Variants in ATP2B2 observed in about 807,000 individuals in gnomAD.
ATP2B2 encodes plasma membrane calcium-transporting ATPase 2.
In ATP2B2, 15 loss-of-function variants were observed where a neutral mutation model predicts 120.0. That is an observed-to-expected ratio of 0.12 (90% CI 0.08 to 0.19). ATP2B2 has a LOEUF of 0.19. Ranked by LOEUF, ATP2B2 falls within the 10% of genes least tolerant of loss-of-function variation. The pLI is 1.00. For missense variants in ATP2B2, 1,045 were observed against 1,719.8 expected, an observed-to-expected ratio of 0.61 and a Z score of 6.94; for synonymous variants, 694 against 700.3, an observed-to-expected ratio of 0.99 and a Z score of 0.14.
intron 1 of ATP2B2, among the ~76,000 whole-genome samples, chr3:10,679,042 G>T (rs1249658188): frequency 6.6e-6 from 1 of 152,116 alleles, no homozygotes; most frequent in Non-Finnish European, 1.5e-5. Flanking sequence ...TCTCTCTCCT[G>T]CTGGCCTTAG....
chr3:10,350,575 G>A lies in ATP2B2; in HGVS notation c.2139C>T (p.Val713=). The change falls in exon 15 of 23, where the codon GTC becomes GTT. Residue 713 remains valine, a splice_region_variant and synonymous_variant. Coordinates refer to ENST00000360273, the MANE Select transcript of ATP2B2 (RefSeq NM_001001331.4). ...VGIEDPVRPE[V]PEAIRKCQRA... Reference sequence around the variant, plus strand: ...GCTGGCACTTGCGGATGGCTTCTGGGACCTGGGCAGGAGGGCAGGGGCCAT... The same window carrying A: ...GCTGGCACTTGCGGATGGCTTCTGGAACCTGGGCAGGAGGGCAGGGGCCAT... 1 of 1,612,158 alleles carries A rather than the reference G, an allele frequency of 6.2e-7. No individual in the cohort carries two copies. Among genetic ancestry groups the A allele is most frequent in the Non-Finnish European group, 8.5e-7 (1 of 1,179,966 alleles).
chr3:10,606,984 A>AAG (rs61094841), intron 2 of ATP2B2, among the ~76,000 whole-genome samples: 3 of 142,178 alleles, frequency 2.1e-5, no homozygotes, highest in African/African-American at 8.1e-5. Flanking sequence ...GAGAGAAAGA[A>AAG]AGAGAGAGAG....
intron 2 of ATP2B2, 37 bp from the exon 3 acceptor site, chr3:10,410,852 G>A (rs1268732159): frequency 1.2e-6 from 2 of 1,603,892 alleles, no homozygotes; most frequent in Non-Finnish European, 1.7e-6. Flanking sequence ...CTGGGGGCCT[G>A]GGAGAGATGC....
At chr3:10,408,929 T>G (rs1370962697) in intron 3 of ATP2B2, among the ~76,000 whole-genome samples, 1 of 152,190 alleles carries the variant, frequency 6.6e-6, no homozygotes. Flanking sequence ...TGCTTTGGTC[T>G]GAGTCATGGT....
chr3:10,400,093 T>C (rs2062168391), intron 5 of ATP2B2, among the ~76,000 whole-genome samples: 1 of 152,198 alleles, frequency 6.6e-6, no homozygotes, highest in Non-Finnish European at 1.5e-5. Flanking sequence ...AATAAGGCCT[T>C]TTGGGCGTCC....
chr3:10,366,644 G>A (rs2061067245), intron 12 of ATP2B2, among the ~76,000 whole-genome samples: 1 of 152,322 alleles, frequency 6.6e-6, no homozygotes, highest in Non-Finnish European at 1.5e-5. Context: ...CCGCTCGGGT[G>A]GTTCCAGTAC....
intron 1 of ATP2B2, among the ~76,000 whole-genome samples, chr3:10,625,734 C>A (rs552404676): frequency 2.0e-5 from 3 of 152,178 alleles, no homozygotes; most frequent in South Asian, 2.1e-4. Context: ...TCAGCAGGGA[C>A]CCCCTCCCAT....
At chr3:10,405,518 T>C (rs939602808) in intron 3 of ATP2B2, among the ~76,000 whole-genome samples, 1 of 151,852 alleles carries the variant, frequency 6.6e-6, no homozygotes, top group Non-Finnish European at 1.5e-5. Context: ...CTGGAGCAAT[T>C]AGGGAGAAGA....
rs186711440 is a variant in ATP2B2, at chr3:10,600,086, T to C, written c.-415+19831A>G. On this transcript the variant is annotated intron_variant, in intron 2 of 21. Transcript: ENST00000646379. Reference sequence around the variant, plus strand: ...ACCACCAGGTGGTAGGAGCACAGTATTGGAGAGCAGAGGGGCTGGGGCTGG... The same window carrying C: ...ACCACCAGGTGGTAGGAGCACAGTACTGGAGAGCAGAGGGGCTGGGGCTGG... Among the ~76,000 whole-genome samples the C allele has an allele frequency of 6.3e-3, 955 of 151,748 alleles. 10 individuals are homozygous for C. Among genetic ancestry groups the C allele is most frequent in the African/African-American group, 0.022 (910 of 41,326 alleles).
intron 2 of ATP2B2, among the ~76,000 whole-genome samples, chr3:10,431,969 C>A (rs1317596597): frequency 6.6e-6 from 1 of 152,172 alleles, no homozygotes; most frequent in Non-Finnish European, 1.5e-5. Context: ...AGAAGAAAAT[C>A]ATCACTCCCG....
intron 1 of ATP2B2, among the ~76,000 whole-genome samples, chr3:10,625,521 A>G (rs1193774842): frequency 6.6e-6 from 1 of 151,782 alleles, no homozygotes; most frequent in Non-Finnish European, 1.5e-5. Context: ...TGACGCAGAT[A>G]CTCCCCGGTT....
intron 5 of ATP2B2, among the ~76,000 whole-genome samples, chr3:10,392,178 G>A (rs771415022): frequency 8.5e-5 from 13 of 152,196 alleles, no homozygotes; most frequent in South Asian, 2.1e-4. Flanking sequence ...GGCCTCCCCC[G>A]CACAGCCTGG....
intron 2 of ATP2B2, 28 bp from the exon 3 acceptor site, chr3:10,410,843 T>C: frequency 6.2e-7 from 1 of 1,609,632 alleles, no homozygotes; most frequent in Non-Finnish European, 8.5e-7. Context: ...AGAGGTTGGC[T>C]GGGGGCCTGG....
At chr3:10,433,125 G>A (rs1234677945) in intron 2 of ATP2B2, among the ~76,000 whole-genome samples, 1 of 152,246 alleles carries the variant, frequency 6.6e-6, no homozygotes, top group Non-Finnish European at 1.5e-5. Flanking sequence ...TGCTCCAGCT[G>A]CCTCTCTCAA....
chr3:10,456,934 G>T (rs573307019), intron 1 of ATP2B2, among the ~76,000 whole-genome samples: 1 of 152,342 alleles, frequency 6.6e-6, no homozygotes, highest in African/African-American at 2.4e-5. Context: ...TGCAGTTGGG[G>T]GTGGAGGGCC....
intron 2 of ATP2B2, among the ~76,000 whole-genome samples, chr3:10,412,766 C>T (rs756323469): frequency 2.0e-5 from 3 of 152,216 alleles, no homozygotes; most frequent in Non-Finnish European, 4.4e-5. Flanking sequence ...GTCCCACCCA[C>T]TAAATGCAGG....
In ATP2B2 at chr3:10,395,936, T is replaced by C. The variant is rs539945895; in HGVS notation, c.781+5017A>G. ...TTGCAATTTCTGAATATTTTTACTC[T>C]GTCCCGTTTGAAGATACACCAGACA... On this transcript the variant is annotated intron_variant, in intron 5 of 22. Transcript: ENST00000360273. Among the ~76,000 whole-genome samples the C allele has an allele frequency of 2.0e-3, 302 of 152,362 alleles. 1 individual carries two copies. Among genetic ancestry groups the C allele is most frequent in the African/African-American group, 7.0e-3 (290 of 41,586 alleles).
chr3:10,659,405 T>C (rs1192300650), intron 1 of ATP2B2, among the ~76,000 whole-genome samples: 2 of 151,854 alleles, frequency 1.3e-5, no homozygotes, highest in Non-Finnish European at 2.9e-5. Flanking sequence ...GGAACATCTA[T>C]CAAGCAAATG....
At chr3:10,486,080 G>A (rs575579689) in intron 1 of ATP2B2, among the ~76,000 whole-genome samples, 1 of 152,266 alleles carries the variant, frequency 6.6e-6, no homozygotes, top group South Asian at 2.1e-4. Context: ...TCAGCCAGTG[G>A]CCAGGTCAGC....
Sources: allele counts gnomAD v4.1 joint callset (sites outside exome capture counted in the v4.1 genomes callset), GRCh38; gene constraint gnomAD v4.1.1; transcripts MANE v1.5; gene names NCBI Gene and HGNC (gene_info 2026-07-23, HGNC 2026-07-21).